The following CPLANE1 variants were observed in gnomAD, a reference collection of about 807,000 sequenced individuals.
CPLANE1 encodes the protein ciliogenesis and planar polarity effector complex subunit 1.
Under a neutral mutation model 362.5 loss-of-function variants are expected in CPLANE1, and 263 were observed. The observed-to-expected ratio is 0.73, with a 90% confidence interval of 0.66 to 0.80. CPLANE1 has a LOEUF of 0.80. Ranked by LOEUF, CPLANE1 falls within the 30% of genes least tolerant of loss-of-function variation. The pLI, the probability that CPLANE1 is intolerant of heterozygous loss-of-function variation, is 0.00. For synonymous variants in CPLANE1, 1,212 were observed against 1,302.6 expected (o/e 0.93, Z 1.50); for missense variants, 3,461 against 3,793.4 (o/e 0.91, Z 2.30).
downstream of CPLANE1, among the ~76,000 whole-genome samples, chr5:37,102,455 T>C (rs185704838): frequency 2.1e-3 from 319 of 152,302 alleles, 1 homozygote; most frequent in African/African-American, 7.4e-3. Context: ...CCCAAAGTGC[T>C]GGGATCACAG....
intron 35 of CPLANE1, 50 bp from the exon 36 acceptor site, chr5:37,165,721 T>G (rs1391478586): frequency 2.0e-6 from 3 of 1,522,304 alleles, no homozygotes; most frequent in African/African-American, 2.8e-5. Flanking sequence ...TAGCAACATT[T>G]GCTTTTCATT....
chr5:37,229,937 G>A (rs1023743189), intron 9 of CPLANE1, among the ~76,000 whole-genome samples: 1 of 152,078 alleles, frequency 6.6e-6, no homozygotes, highest in Non-Finnish European at 1.5e-5. Context: ...AGCACTTTGG[G>A]AGGCCAAGGC....
At chr5:37,091,623 A>G in the CPLANE1 span, among the ~76,000 whole-genome samples, 1 of 152,210 alleles carries the variant, frequency 6.6e-6, no homozygotes, top group East Asian at 1.9e-4. Flanking sequence ...ACGAATTTCA[A>G]TCAGCTGTAG....
At chr5:37,081,281 G>A in the CPLANE1 span, among the ~76,000 whole-genome samples, 69 of 152,150 alleles carry the variant, frequency 4.5e-4, no homozygotes, top group African/African-American at 1.6e-3. Flanking sequence ...TATGTACAAA[G>A]AAACAAAAGT....
At chr5:37,166,693 GTC>G (rs1778336372) in intron 35 of CPLANE1, among the ~76,000 whole-genome samples, 1 of 152,068 alleles carries the variant, frequency 6.6e-6, no homozygotes, top group African/African-American at 2.4e-5. Context: ...TCCACTGAAG[GTC>G]TTGGCATGTA....
intron 43 of CPLANE1, among the ~76,000 whole-genome samples, chr5:37,144,333 T>TGGA (rs1201797364): frequency 3.5e-5 from 5 of 143,760 alleles, no homozygotes; most frequent in African/African-American, 1.3e-4. Context: ...GCTTGAACCC[T>TGGA]GGAGGAGGAG....
intron 16 of CPLANE1, among the ~76,000 whole-genome samples, chr5:37,206,779 A>C (rs1000645813): frequency 9.9e-5 from 15 of 152,174 alleles, no homozygotes; most frequent in African/African-American, 3.6e-4. Context: ...TATATCTACT[A>C]TACTACTGGT....
the CPLANE1 span, among the ~76,000 whole-genome samples, chr5:37,076,637 T>C: frequency 2.0e-5 from 3 of 152,002 alleles, no homozygotes; most frequent in African/African-American, 7.3e-5. Context: ...CACTCACCAA[T>C]CAGAAACATA....
At chr5:37,171,271 T>C (rs915253401) in intron 32 of CPLANE1, among the ~76,000 whole-genome samples, 2 of 152,084 alleles carry the variant, frequency 1.3e-5, no homozygotes, top group Non-Finnish European at 1.5e-5. Context: ...GAACAAGAGA[T>C]TTACAGCAGG....
At chr5:37,158,928 C>T (rs1776007959) in intron 38 of CPLANE1, among the ~76,000 whole-genome samples, 1 of 151,334 alleles carries the variant, frequency 6.6e-6, no homozygotes, top group African/African-American at 2.4e-5. Flanking sequence ...AGACTACAGG[C>T]ACCCACCACC....
In CPLANE1 at chr5:37,209,831, T is replaced by C. The variant is rs569769592; in HGVS notation, c.2921-3406A>G. 110 of 1,351,230 alleles carry C rather than the reference T, an allele frequency of 8.1e-5. No homozygotes were observed. Among genetic ancestry groups the C allele is most frequent in the South Asian group, 4.1e-4 (35 of 85,546 alleles). The allele number at this position is 1,351,230 out of a possible 1,614,324, so 83.7% of individuals were successfully genotyped here. On this transcript the variant is annotated intron_variant, in intron 16 of 52. Transcript: ENST00000651892. The surrounding 1 kb of genome is among the most constrained non-coding windows in gnomAD (Gnocchi z 4.6). Reference sequence around the variant, plus strand: ...CAGAATATCATCAAGCTAAAGAAAGTTGTAATATGGAAACTCAGACAAGTT... The same window carrying C: ...CAGAATATCATCAAGCTAAAGAAAGCTGTAATATGGAAACTCAGACAAGTT...
At chr5:37,178,783 A>G (rs558230743) in intron 29 of CPLANE1, among the ~76,000 whole-genome samples, 1 of 152,230 alleles carries the variant, frequency 6.6e-6, no homozygotes, top group African/African-American at 2.4e-5. Flanking sequence ...TTTAAAAGAC[A>G]GGGTCTCACT....
At chr5:37,144,362 C>T (rs187110203) in intron 43 of CPLANE1, among the ~76,000 whole-genome samples, 3 of 139,054 alleles carry the variant, frequency 2.2e-5, no homozygotes, top group East Asian at 2.2e-4. Flanking sequence ...GAGCCGAGAT[C>T]GCACCACTGC....
Position 37,245,571 on chromosome 5 carries a change from G to A in CPLANE1, c.245C>T (p.Thr82Ile), listed in dbSNP as rs1266897653. 1.3e-6 allele frequency: 2 copies of A among 1,524,830 alleles called. No homozygotes were observed. The highest frequency in any genetic ancestry group is 2.5e-5 in the East Asian group (1 of 40,082). The allele number at this position is 1,524,830 out of a possible 1,614,324, so 94.5% of individuals were successfully genotyped here. A position where few individuals can be genotyped will look rare whatever the true frequency, so the allele number is the denominator to read the frequency against. The change falls in exon 4 of 53, where the codon ACA becomes ATA. Residue 82 changes from threonine to isoleucine, a missense_variant. Thr to Ile is a moderately conservative substitution (Grantham distance 89). Around this residue, in one of 2 missense-constraint regions of CPLANE1, gnomAD observed 3,380 missense variants for 3,666.1 expected, o/e 0.92. Coordinates refer to ENST00000651892, the MANE Select transcript of CPLANE1 (RefSeq NM_001384732.1). The stretch of plus-strand genomic sequence containing the variant: ...TTTGTTCCAAAGGAAAAGCTCTCCT[G>A]TAGTTAGTACCCCAGCCAGCCAGGC... ...NDAWLAGVLT[T>I]GELFLWNKDQ...
At chr5:37,201,999 T>C (rs544122452) in intron 18 of CPLANE1, among the ~76,000 whole-genome samples, 191 bp from the exon 19 acceptor site, 2 of 152,310 alleles carry the variant, frequency 1.3e-5, no homozygotes, top group African/African-American at 4.8e-5. Context: ...GGTAAGACCA[T>C]GAGACATTTT....
Position 37,106,826 on chromosome 5 carries a change from A to G in CPLANE1, c.*776T>C. On this transcript the variant is annotated 3_prime_UTR_variant, in exon 53 of 53. Coordinates refer to ENST00000651892, the MANE Select transcript of CPLANE1 (RefSeq NM_001384732.1). ...ATACCAAACATTGATGAAGTAGTTGAAGGATACTGGTTCTTAGTCAATTCT... is the reference window on the plus strand; with the variant it reads ...ATACCAAACATTGATGAAGTAGTTGGAGGATACTGGTTCTTAGTCAATTCT... The G allele has an allele frequency of 3.1e-6, 3 of 977,882 alleles. No individual in the cohort carries two copies. The highest frequency in any genetic ancestry group is 3.6e-6 in the Non-Finnish European group (3 of 823,076). 60.6% of individuals were successfully genotyped at this position (977,882 alleles called of 1,614,324 possible).
Position 37,209,752 on chromosome 5 carries a change from G to A in CPLANE1, c.2921-3327C>T, listed in dbSNP as rs1279422532. The A allele has an allele frequency of 2.5e-6, 3 of 1,218,508 alleles. No homozygotes were observed. The highest frequency in any genetic ancestry group is 1.5e-5 in the African/African-American group (1 of 67,230). 75.5% of individuals were successfully genotyped at this position (1,218,508 alleles called of 1,614,324 possible). On this transcript the variant is annotated intron_variant, in intron 16 of 52. Coordinates refer to ENST00000651892, the MANE Select transcript of CPLANE1 (RefSeq NM_001384732.1). This position sits in a 1 kb window ranked among gnomAD's most constrained non-coding sequence, Gnocchi z 4.6. ...AGTCTGTACAAATCACTGGTTTCAG[G>A]AGCTGATAAAGAAAACCAAAAAGGT...
chr5:37,159,855 A>G (rs1462477839), intron 38 of CPLANE1, among the ~76,000 whole-genome samples: 1 of 152,206 alleles, frequency 6.6e-6, no homozygotes, highest in African/African-American at 2.4e-5. Flanking sequence ...TTAGGAAAAA[A>G]AAGAAATCAC....
chr5:37,155,374 A>ATTTTC (rs1248756676), intron 41 of CPLANE1, among the ~76,000 whole-genome samples: 1 of 151,964 alleles, frequency 6.6e-6, no homozygotes, highest in Non-Finnish European at 1.5e-5. Context: ...ATGAACTTTA[A>ATTTTC]TTTTCTTTTC....
Sources: allele counts gnomAD v4.1 joint callset (sites outside exome capture counted in the v4.1 genomes callset), GRCh38; gene constraint gnomAD v4.1.1; regional missense constraint gnomAD v4.1.1; non-coding constraint Gnocchi (gnomAD v3.1); transcripts MANE v1.5; gene names NCBI Gene and HGNC (gene_info 2026-07-23, HGNC 2026-07-21).